The following NCOA2 variants were observed in gnomAD, a reference collection of about 807,000 sequenced individuals.
The protein encoded by NCOA2 is class E basic helix-loop-helix protein 75.
A neutral mutation model predicts 145.1 loss-of-function variants in NCOA2; 21 were observed. The ratio of observed to expected loss-of-function variants is 0.14; its 90% CI spans 0.10 to 0.21. The LOEUF (loss-of-function observed/expected upper bound fraction) is 0.21. Ranked by LOEUF, NCOA2 falls within the 10% of genes least tolerant of loss-of-function variation. The pLI is 1.00. For missense variants in NCOA2, 1,472 were observed against 1,837.6 expected (o/e 0.80, Z 3.64); for synonymous variants, 619 against 637.5 (o/e 0.97, Z 0.44).
chr8:70,269,824 A>C (rs1369874255), intron 2 of NCOA2, among the ~76,000 whole-genome samples: 1 of 152,232 alleles, frequency 6.6e-6, no homozygotes, highest in East Asian at 1.9e-4. Context: ...TAAATTTTCC[A>C]TCTGGTAGCT....
At chr8:70,275,016 A>G (rs1037595840) in intron 2 of NCOA2, among the ~76,000 whole-genome samples, 2 of 152,328 alleles carry the variant, frequency 1.3e-5, no homozygotes, top group African/African-American at 2.4e-5. Context: ...ACAATTAAAT[A>G]TATTAAAATT....
chr8:70,284,825 G>C (rs1826127331), intron 2 of NCOA2, among the ~76,000 whole-genome samples: 1 of 150,484 alleles, frequency 6.6e-6, no homozygotes, highest in African/African-American at 2.4e-5. Flanking sequence ...AATATGGAGA[G>C]AGGAGACAGG....
intron 1 of NCOA2, among the ~76,000 whole-genome samples, chr8:70,387,654 A>G (rs1203712492): frequency 3.1e-5 from 4 of 130,504 alleles, no homozygotes; most frequent in African/African-American, 2.9e-5. Context: ...ATTCCTCTGA[A>G]GTACAGCTGG....
At chr8:70,295,159 T>C (rs1012196372) in intron 2 of NCOA2, among the ~76,000 whole-genome samples, 11 of 152,232 alleles carry the variant, frequency 7.2e-5, no homozygotes, top group African/African-American at 2.2e-4. Context: ...AGGAAATAAG[T>C]AGTCAGCTTA....
intron 2 of NCOA2, among the ~76,000 whole-genome samples, chr8:70,294,465 G>A (rs887523594): frequency 4.6e-5 from 7 of 152,118 alleles, no homozygotes. Flanking sequence ...CATAATCTGT[G>A]AGTATAAAAT....
intron 10 of NCOA2, among the ~76,000 whole-genome samples, chr8:70,159,248 T>A (rs868819143): frequency 0.25 from 6,827 of 27,664 alleles, 365 homozygotes; most frequent in Admixed American, 0.32. Flanking sequence ...ATATATTTTT[T>A]TTTTTTTCCC....
intron 2 of NCOA2, among the ~76,000 whole-genome samples, chr8:70,272,514 T>C (rs1340896111): frequency 4.6e-5 from 7 of 152,220 alleles, no homozygotes; most frequent in Non-Finnish European, 1.0e-4. Flanking sequence ...GAGGCTAATT[T>C]TTTTTTCTTA....
At chr8:70,339,421 C>T (rs752177546) in intron 1 of NCOA2, among the ~76,000 whole-genome samples, 3 of 152,018 alleles carry the variant, frequency 2.0e-5, no homozygotes, top group Non-Finnish European at 2.9e-5. Context: ...CACTGCTCAA[C>T]GAAATCACAG....
chr8:70,160,799 TA>T (rs1248141993), intron 9 of NCOA2, among the ~76,000 whole-genome samples: 5 of 152,198 alleles, frequency 3.3e-5, no homozygotes, highest in African/African-American at 1.2e-4. Flanking sequence ...ATACTACATT[TA>T]GGTTTCACTT....
intron 1 of NCOA2, among the ~76,000 whole-genome samples, chr8:70,327,099 T>TG (rs1190121357): frequency 1.3e-5 from 2 of 152,246 alleles, no homozygotes; most frequent in Admixed American, 6.5e-5. Flanking sequence ...AGTATATTCT[T>TG]GAAGTTTGCT....
the NCOA2 span, among the ~76,000 whole-genome samples, chr8:70,427,337 A>T: frequency 6.6e-6 from 1 of 152,226 alleles, no homozygotes; most frequent in Non-Finnish European, 1.5e-5. Context: ...TTTAAAAAGG[A>T]AGAGTAAGAT....
upstream of NCOA2, among the ~76,000 whole-genome samples, chr8:70,404,192 AGAGG>A (rs1386503936): frequency 9.2e-5 from 14 of 152,182 alleles, no homozygotes; most frequent in Admixed American, 8.5e-4. Flanking sequence ...TGACTGTGGT[AGAGG>A]GAGGGTGACC....
chr8:70,236,361 T>C (rs1471591530), intron 2 of NCOA2, among the ~76,000 whole-genome samples: 1 of 152,168 alleles, frequency 6.6e-6, no homozygotes, highest in African/African-American at 2.4e-5. Context: ...CCTTATGATC[T>C]AGCCCATACC....
intron 18 of NCOA2, 127 bp from the exon 19 acceptor site, chr8:70,127,174 A>C (rs1249868922): frequency 3.0e-6 from 2 of 661,484 alleles, no homozygotes; most frequent in East Asian, 5.4e-5. Flanking sequence ...AAAAAATTAC[A>C]TGAAAGGAAT....
At chr8:70,216,807 G>C in intron 2 of NCOA2, 43 bp from the exon 3 acceptor site, 1 of 1,243,628 alleles carries the variant, frequency 8.0e-7, no homozygotes, top group Non-Finnish European at 1.2e-6. Flanking sequence ...AATGAAGAGA[G>C]CTGATGATGA....
intron 21 of NCOA2, 87 bp from the exon 22 acceptor site, chr8:70,121,478 GT>G: frequency 1.0e-6 from 1 of 963,932 alleles, no homozygotes; most frequent in Non-Finnish European, 1.6e-6. Context: ...CCCTTCCTCT[GT>G]TTTTAGGGGT....
At chr8:70,115,353 C>T (rs1806976037) in intron 22 of NCOA2, among the ~76,000 whole-genome samples, 4 of 152,170 alleles carry the variant, frequency 2.6e-5, no homozygotes, top group Admixed American at 2.6e-4. Flanking sequence ...GGACTAACAT[C>T]AATGAGCAGC....
chr8:70,369,996 C>T (rs2131224392), intron 1 of NCOA2, among the ~76,000 whole-genome samples: 1 of 152,142 alleles, frequency 6.6e-6, no homozygotes, highest in East Asian at 1.9e-4. Flanking sequence ...TGCAATCCTC[C>T]AACCTTAGCC....
chr8:70,178,769 T>C (rs1476033000), intron 4 of NCOA2, among the ~76,000 whole-genome samples: 2 of 152,240 alleles, frequency 1.3e-5, no homozygotes, highest in African/African-American at 4.8e-5. Context: ...AATTGGATTC[T>C]GCAGGATATG....
Sources: gnomAD v4.1 joint callset for allele counts (sites outside exome capture counted in the v4.1 genomes callset) on GRCh38, gnomAD v4.1.1 for gene constraint, MANE v1.5 for transcripts, NCBI Gene and HGNC (gene_info 2026-07-23, HGNC 2026-07-21) for gene names.